PPM1H: variants seen among roughly 807,000 people sequenced by gnomAD.
The protein encoded by PPM1H is protein phosphatase, Mg2+/Mn2+ dependent 1H, also known as protein phosphatase 1H.
In PPM1H, 27 loss-of-function variants were observed where a neutral mutation model predicts 54.9. The observed-to-expected ratio is 0.49, with a 90% CI of 0.36 to 0.68. The LOEUF is 0.68. Among genes scored for constraint, PPM1H ranks in the 30% least tolerant of loss-of-function variants. The pLI is 0.00. For missense variants in PPM1H, 596 were observed against 667.8 expected, an observed-to-expected ratio of 0.89 and a Z score of 1.19; for synonymous variants, 305 against 270.8, an observed-to-expected ratio of 1.13 and a Z score of -1.24.
intron 1 of PPM1H, among the ~76,000 whole-genome samples, chr12:62,932,490 G>C (rs919635483): frequency 6.6e-6 from 1 of 152,030 alleles, no homozygotes; most frequent in African/African-American, 2.4e-5. Flanking sequence ...TTCTCGCCTT[G>C]ACAGGCGCCC....
In PPM1H at chr12:62,667,298, T is replaced by A; in HGVS notation, c.1277A>T (p.His426Leu). The change falls in exon 9 of 10, where the codon CAT becomes CTT. Residue 426 changes from histidine to leucine, a missense_variant. Physicochemically the swap from His to Leu is moderately conservative, Grantham distance 99. Coordinates refer to ENST00000228705, the MANE Select transcript of PPM1H (RefSeq NM_020700.2). ...VRIYDLSKYD[H>L]GSDDVLILAT... is the part of the protein sequence containing the mutation. The stretch of plus-strand genomic sequence containing the variant: ...CAAGATCAGCACATCATCTGATCCA[T>A]GATCATATTTTGAAAGATCGTAGAT... 2.5e-6 allele frequency: 4 copies of A among 1,603,686 alleles called. No homozygotes were observed. The Middle Eastern group carries it at 6.6e-4, about 265-fold the overall frequency.
chr12:62,870,156 G>C (rs915290955), intron 1 of PPM1H, among the ~76,000 whole-genome samples: 1 of 152,162 alleles, frequency 6.6e-6, no homozygotes, highest in Non-Finnish European at 1.5e-5. Context: ...ACAAAAATAT[G>C]GGGAGGTATT....
chr12:62,725,844 CAA>C (rs1218385010), intron 5 of PPM1H, among the ~76,000 whole-genome samples: 2 of 151,924 alleles, frequency 1.3e-5, no homozygotes, highest in African/African-American at 4.8e-5. Context: ...TAAAAAAAAA[CAA>C]AGACGTGTCT....
intron 1 of PPM1H, among the ~76,000 whole-genome samples, chr12:62,838,338 T>TTG (rs1555200354): frequency 3.2e-5 from 3 of 93,282 alleles, no homozygotes; most frequent in African/African-American, 1.5e-4. Context: ...TGTGTGTGTG[T>TTG]GGGGGGGGGG....
At chr12:62,892,673 C>T (rs1484908507) in intron 1 of PPM1H, among the ~76,000 whole-genome samples, 7 of 152,240 alleles carry the variant, frequency 4.6e-5, no homozygotes, top group African/African-American at 1.7e-4. Flanking sequence ...TACATCAACA[C>T]AATTGTTATG....
intron 1 of PPM1H, among the ~76,000 whole-genome samples, chr12:62,850,081 G>C (rs1442447762): frequency 6.6e-6 from 1 of 151,954 alleles, no homozygotes; most frequent in Non-Finnish European, 1.5e-5. Context: ...TCCTCCCTCA[G>C]CCTCCAAGCA....
At chr12:62,899,473 G>C (rs1432193952) in intron 1 of PPM1H, among the ~76,000 whole-genome samples, 1 of 152,120 alleles carries the variant, frequency 6.6e-6, no homozygotes, top group Non-Finnish European at 1.5e-5. Flanking sequence ...AATCAATGAG[G>C]AAATGGCTAA....
At chr12:62,712,268 CT>C (rs1269291862) in intron 6 of PPM1H, among the ~76,000 whole-genome samples, 10 of 152,232 alleles carry the variant, frequency 6.6e-5, no homozygotes, top group African/African-American at 2.4e-4. Context: ...ATGATCCCCC[CT>C]GCCCCTGTCT....
At chr12:62,891,104 C>CAAAAAAAA (rs71450596) in intron 1 of PPM1H, among the ~76,000 whole-genome samples, 1 of 76,094 alleles carries the variant, frequency 1.3e-5, no homozygotes, top group African/African-American at 5.1e-5. Flanking sequence ...GCAAGACTCT[C>CAAAAAAAA]AAAAAAAAAA....
intron 1 of PPM1H, chr12:62,840,299 G>C (rs1868695782): frequency 6.6e-6 from 1 of 152,098 alleles, no homozygotes. Flanking sequence ...TTTTCTAAAA[G>C]CACTAATCCC....
chr12:62,662,734 A>G (rs1446121201), intron 9 of PPM1H, among the ~76,000 whole-genome samples: 1 of 152,194 alleles, frequency 6.6e-6, no homozygotes, highest in Non-Finnish European at 1.5e-5. Context: ...TACCATTTAT[A>G]GTTTAAAAAT....
At chr12:62,817,140 A>AG (rs2076873011) in intron 2 of PPM1H, among the ~76,000 whole-genome samples, 3 of 134,796 alleles carry the variant, frequency 2.2e-5, no homozygotes, top group Non-Finnish European at 3.3e-5. Context: ...AAAAAAAGAA[A>AG]AAAAAAAAAA....
intron 5 of PPM1H, among the ~76,000 whole-genome samples, chr12:62,723,310 A>AC (rs2120473006): frequency 6.6e-6 from 1 of 152,312 alleles, no homozygotes; most frequent in South Asian, 2.1e-4. Context: ...TTAAAAAAAA[A>AC]AAAGTAGCGG....
chr12:62,846,142 T>A lies in PPM1H; in HGVS notation c.246-13863A>T, dbSNP rs116237272. 8.5e-3 allele frequency among the ~76,000 whole-genome samples: 1,301 copies of A among 152,284 alleles called. 25 individuals carry two copies. Among genetic ancestry groups the A allele is most frequent in the African/African-American group, 0.029 (1,188 of 41,546 alleles). ...CGGACTGACCTTTCTCAACCGTGAA[T>A]GTGGCCATGTCTCTCCCATGCTCAA... On this transcript the variant is annotated intron_variant, in intron 1 of 9. Coordinates refer to ENST00000228705, the MANE Select transcript of PPM1H (RefSeq NM_020700.2).
intron 1 of PPM1H, among the ~76,000 whole-genome samples, chr12:62,925,710 T>A (rs1475567089): frequency 6.6e-6 from 1 of 152,218 alleles, no homozygotes; most frequent in Non-Finnish European, 1.5e-5. Flanking sequence ...GTACAAACCT[T>A]CAAGCCATAT....
intron 4 of PPM1H, among the ~76,000 whole-genome samples, chr12:62,762,981 A>T (rs1049664914): frequency 2.0e-5 from 3 of 151,186 alleles, no homozygotes; most frequent in African/African-American, 7.3e-5. Flanking sequence ...GAAAGAAACT[A>T]TTTTTTTTTC....
Position 62,801,965 on chromosome 12 carries a change from T to A in PPM1H, c.607A>T (p.Ser203Cys), listed in dbSNP as rs778429629. 2 of 1,612,680 alleles carry A rather than the reference T, an allele frequency of 1.2e-6. No homozygotes were observed. Among genetic ancestry groups the A allele is most frequent in the Non-Finnish European group, 1.7e-6 (2 of 1,179,218 alleles). The change falls in exon 3 of 10, where the codon AGC becomes TGC. Residue 203 changes from serine (S) to cysteine (C), a missense_variant. Ser to Cys is a moderately radical substitution (Grantham distance 112). Around this residue, in one of 3 missense-constraint regions of PPM1H, gnomAD observed 382 missense variants for 387.1 expected, o/e 0.99. Coordinates refer to ENST00000228705, the MANE Select transcript of PPM1H (RefSeq NM_020700.2). ...GAGGCTGCCCGGGTCAGAGTCCGGC[T>A]GTTGGCGGGCGTGTTCTCAGGCTCC... ...GEEPENTPAN[S>C]RTLTRAASLR...
At chr12:62,831,697 T>TTGTGTGTG (rs1225248619) in intron 2 of PPM1H, among the ~76,000 whole-genome samples, 6,239 of 149,508 alleles carry the variant, frequency 0.042, 126 homozygotes, top group African/African-American at 0.058. Context: ...CCGTCAAACA[T>TTGTGTGTG]TGTGTGTGTA....
In PPM1H at chr12:62,842,888, G is replaced by T. The variant is rs567944495; in HGVS notation, c.246-10609C>A. ...CCAGACTCCCTAGGTTTGAATCCTG[G>T]ATCCGCAAGTAGGTAACTGCACTAC... On this transcript the variant is annotated intron_variant, in intron 1 of 9. Transcript: ENST00000228705. Among the ~76,000 whole-genome samples, 8 of 152,296 alleles carry T rather than the reference G, an allele frequency of 5.3e-5. No individual in the cohort carries two copies. In the East Asian group the frequency reaches 1.5e-3, roughly 29 times the overall value.
Sources: gnomAD v4.1 joint callset for allele counts (sites outside exome capture counted in the v4.1 genomes callset) on GRCh38, gnomAD v4.1.1 for gene constraint, gnomAD v4.1.1 regional missense constraint, MANE v1.5 for transcripts, NCBI Gene and HGNC (gene_info 2026-07-23, HGNC 2026-07-21) for gene names.